Variants in GLIS1 observed in about 807,000 individuals in gnomAD.
GLIS1 encodes zinc finger protein GLIS1.
GLIS1 carries 24 observed loss-of-function variants against 63.8 expected under a neutral mutation model. The ratio of observed to expected loss-of-function variants is 0.38; its 90% CI spans 0.27 to 0.53. The LOEUF is 0.53. Ranked by LOEUF, GLIS1 falls within the 20% of genes least tolerant of loss-of-function variation. The pLI, the probability that GLIS1 is intolerant of heterozygous loss-of-function variation, is 0.85. For missense variants in GLIS1, 1,036 were observed against 1,074.1 expected (o/e 0.96, Z 0.50); for synonymous variants, 450 against 482.5 (o/e 0.93, Z 0.88).
At chr1:53,725,195 T>C (rs2100559394) in intron 2 of GLIS1, among the ~76,000 whole-genome samples, 1 of 152,214 alleles carries the variant, frequency 6.6e-6, no homozygotes, top group Admixed American at 6.5e-5. Context: ...GAAGAAAGCT[T>C]AAGCCACCAG....
At chr1:53,527,431 C>T (rs1015572057) in intron 5 of GLIS1, among the ~76,000 whole-genome samples, 2 of 152,252 alleles carry the variant, frequency 1.3e-5, no homozygotes, top group Non-Finnish European at 2.9e-5. Context: ...CGGGGCCTCA[C>T]ACCTGCTGCC....
chr1:53,542,525 G>A (rs947141299), intron 4 of GLIS1, among the ~76,000 whole-genome samples: 2 of 152,230 alleles, frequency 1.3e-5, no homozygotes, highest in Non-Finnish European at 2.9e-5. Flanking sequence ...TGGGGCGGGT[G>A]GGGAGATGGC....
intron 2 of GLIS1, among the ~76,000 whole-genome samples, chr1:53,682,200 G>A (rs781707660): frequency 6.6e-6 from 1 of 152,112 alleles, no homozygotes; most frequent in Non-Finnish European, 1.5e-5. Flanking sequence ...GCTCACCACC[G>A]GACTCCGACT....
In GLIS1 at chr1:53,609,266, C is replaced by T. The variant is rs868388778; in HGVS notation, c.260-8988G>A. ...TATATTTGGGTATTTGGGTTTAAAT[C>T]TTTTTTTTTTTTTTTTTTTTTTTTT... On this transcript the variant is annotated intron_variant, in intron 2 of 10. Transcript: ENST00000628545. Among the ~76,000 whole-genome samples, 155 of 81,370 alleles carry T rather than the reference C, an allele frequency of 1.9e-3. 1 individual carries two copies. Among genetic ancestry groups the T allele is most frequent in the East Asian group, 3.0e-3 (7 of 2,320 alleles). The allele number at this position is 81,370 out of a possible 152,430, so 53.4% of individuals were successfully genotyped here. A position where few individuals can be genotyped will look rare whatever the true frequency, so the allele number is the denominator to read the frequency against.
chr1:53,585,707 C>T (rs895455896), intron 4 of GLIS1, among the ~76,000 whole-genome samples: 5 of 152,132 alleles, frequency 3.3e-5, no homozygotes, highest in East Asian at 1.9e-4. Flanking sequence ...GGAATCTAAC[C>T]GGGAGGAACA....
intron 4 of GLIS1, among the ~76,000 whole-genome samples, chr1:53,540,402 A>G (rs1644631160): frequency 6.6e-6 from 1 of 152,082 alleles, no homozygotes; most frequent in Admixed American, 6.5e-5. Flanking sequence ...AACTCGCCCC[A>G]CGGCCTCAGC....
chr1:53,736,485 C>G (rs1646913813), intron 2 of GLIS1, among the ~76,000 whole-genome samples: 1 of 152,084 alleles, frequency 6.6e-6, no homozygotes, highest in South Asian at 2.1e-4. Context: ...GCGGGGCAAG[C>G]CAGGGAGCTC....
intron 2 of GLIS1, among the ~76,000 whole-genome samples, chr1:53,659,086 C>A (rs1240504170): frequency 6.6e-6 from 1 of 152,198 alleles, no homozygotes; most frequent in Admixed American, 6.5e-5. Flanking sequence ...CAGGTACACC[C>A]ATCTGGGCCT....
At chr1:53,689,249 C>G (rs3013774) in intron 2 of GLIS1, among the ~76,000 whole-genome samples, 135,718 of 152,198 alleles carry the variant, frequency 0.89, 61,203 homozygotes, top group Non-Finnish European at 0.96. Flanking sequence ...GAAGCAGGGG[C>G]CAGTGGACAT....
At chr1:53,734,601 T>C (rs1646895369) in intron 2 of GLIS1, among the ~76,000 whole-genome samples, 1 of 152,216 alleles carries the variant, frequency 6.6e-6, no homozygotes, top group Admixed American at 6.5e-5. Flanking sequence ...TAACAGCCAG[T>C]ATCTGCCCAG....
At chr1:53,605,023 T>C (rs1367273352) in intron 2 of GLIS1, among the ~76,000 whole-genome samples, 1 of 77,884 alleles carries the variant, frequency 1.3e-5, no homozygotes, top group Non-Finnish European at 3.7e-5. Context: ...AACAGATTGC[T>C]GGCTCCTAGG....
At chr1:53,630,897 G>T (rs1326256456) in intron 2 of GLIS1, among the ~76,000 whole-genome samples, 1 of 152,140 alleles carries the variant, frequency 6.6e-6, no homozygotes, top group Admixed American at 6.5e-5. Context: ...TTTTTTATTT[G>T]AGCTTTATAG....
intron 2 of GLIS1, among the ~76,000 whole-genome samples, chr1:53,606,296 A>G (rs929214670): frequency 1.7e-4 from 26 of 152,182 alleles, no homozygotes; most frequent in Non-Finnish European, 4.4e-5. Context: ...CCCTAGGCCA[A>G]CGGAGTCATG....
At chr1:53,530,069 A>G (rs1569764400) in intron 4 of GLIS1, 117 bp from the exon 5 acceptor site, 1 of 883,872 alleles carries the variant, frequency 1.1e-6, no homozygotes, top group East Asian at 2.7e-5. Context: ...ATCCTGCTGG[A>G]GCCTCTGAGA....
chr1:53,707,961 C>T (rs1352957056), intron 2 of GLIS1, among the ~76,000 whole-genome samples: 2 of 151,710 alleles, frequency 1.3e-5, no homozygotes, highest in Non-Finnish European at 2.9e-5. Flanking sequence ...GCCATCCAAC[C>T]TGATGAAGCT....
chr1:53,657,845 T>C (rs79427772), intron 2 of GLIS1, among the ~76,000 whole-genome samples: 3,029 of 152,234 alleles, frequency 0.02, 114 homozygotes, highest in African/African-American at 0.068. Context: ...TTGAAACCAC[T>C]CAGTTTTGGG....
chr1:53,685,161 G>A (rs921576886), intron 2 of GLIS1, among the ~76,000 whole-genome samples: 5 of 152,176 alleles, frequency 3.3e-5, no homozygotes, highest in Admixed American at 6.5e-5. Context: ...ACAGCAAGAC[G>A]GGTGTCCTGG....
rs1570125983 is a variant in GLIS1, at chr1:53,739,092, C to T, written c.-43+13G>A. On this transcript the variant is annotated intron_variant, in intron 1 of 10. Transcript: ENST00000628545. ...ACGCCCCTCCCTCGGCCGCGGGCCG[C>T]GCCCCCTCTCACCTCGCAGCGGCAG... Among the ~76,000 whole-genome samples the T allele has an allele frequency of 6.6e-6, 1 of 151,784 alleles. No homozygotes were observed. Among genetic ancestry groups the T allele is most frequent in the Non-Finnish European group, 1.5e-5 (1 of 67,898 alleles).
chr1:53,636,953 C>G (rs767677842), intron 2 of GLIS1, among the ~76,000 whole-genome samples: 6 of 152,230 alleles, frequency 3.9e-5, no homozygotes, highest in Non-Finnish European at 8.8e-5. Context: ...TCTGACTCAC[C>G]TCTGGGTCCC....
Sources: allele counts gnomAD v4.1 joint callset (sites outside exome capture counted in the v4.1 genomes callset), GRCh38; gene constraint gnomAD v4.1.1; transcripts MANE v1.5; gene names NCBI Gene and HGNC (gene_info 2026-07-23, HGNC 2026-07-21).